The following EHF variants were observed in gnomAD, a reference collection of about 807,000 sequenced individuals.
EHF encodes the protein ETS homologous factor, also known as ESE3 transcription factor.
Under a neutral mutation model 45.1 loss-of-function variants are expected in EHF, and 14 were observed. That is an observed-to-expected ratio of 0.31 (90% CI 0.21 to 0.49). The LOEUF is 0.49. Among genes scored for constraint, EHF ranks in the 20% least tolerant of loss-of-function variants. EHF has a pLI of 0.99. For missense variants in EHF, 282 were observed against 371.4 expected (o/e 0.76, Z 1.98); for synonymous variants, 136 against 131.8 (o/e 1.03, Z -0.22).
chr11:34,622,767 C>T (rs1852069957), intron 1 of EHF, among the ~76,000 whole-genome samples: 2 of 152,058 alleles, frequency 1.3e-5, no homozygotes, highest in Non-Finnish European at 2.9e-5. Flanking sequence ...ATTTAAAAAC[C>T]ATGATGGAAT....
intron 2 of EHF, 56 bp from the exon 3 acceptor site, chr11:34,646,383 A>T: frequency 1.2e-6 from 2 of 1,605,862 alleles, no homozygotes; most frequent in Non-Finnish European, 8.5e-7. Context: ...CCTGTGTCAG[A>T]TACTATGGCC....
At chr11:34,650,552 A>G (rs1855047618) in intron 4 of EHF, among the ~76,000 whole-genome samples, 1 of 152,232 alleles carries the variant, frequency 6.6e-6, no homozygotes, top group African/African-American at 2.4e-5. Flanking sequence ...TCAGTGGCTT[A>G]CACCCCGGCC....
chr11:34,628,517 G>T (rs578187352), intron 1 of EHF, among the ~76,000 whole-genome samples: 4 of 152,146 alleles, frequency 2.6e-5, no homozygotes, highest in African/African-American at 9.7e-5. Flanking sequence ...TCTGAACAGC[G>T]CCAGTTGATA....
At chr11:34,621,436 C>T (rs1851985291) in intron 1 of EHF, among the ~76,000 whole-genome samples, 1 of 149,420 alleles carries the variant, frequency 6.7e-6, no homozygotes, top group African/African-American at 2.4e-5. Context: ...TGGATATTAT[C>T]TGTGAATTTC....
chr11:34,635,772 G>A (rs377672755), intron 1 of EHF, among the ~76,000 whole-genome samples: 9 of 140,916 alleles, frequency 6.4e-5, no homozygotes, highest in South Asian at 2.3e-4. Flanking sequence ...TGACAACACA[G>A]AGCTTAGGAG....
In EHF at chr11:34,649,041, C is replaced by A; in HGVS notation, c.366C>A (p.Phe122Leu). ...KWNGQCSSDL[F>L]QSTHNVIVKT... ...CAGGCCAGTGCAGTAGTGACCTGTT[C>A]CAGTCCACACACAATGTCATTGTCA... The change falls in exon 4 of 9, where the codon TTC (phenylalanine) becomes TTA (leucine). Residue 122 changes from phenylalanine (F) to leucine (L), a missense_variant. Around this residue, in one of 3 missense-constraint regions of EHF, gnomAD observed 213 missense variants for 247.3 expected, o/e 0.86. Coordinates refer to ENST00000257831, the MANE Select transcript of EHF (RefSeq NM_012153.6). 1 of 1,613,974 alleles carries A rather than the reference C, an allele frequency of 6.2e-7. No homozygotes were observed. The highest frequency in any genetic ancestry group is 8.5e-7 in the Non-Finnish European group (1 of 1,179,906).
chr11:34,643,538 G>C (rs570033629), intron 2 of EHF, among the ~76,000 whole-genome samples: 1 of 152,228 alleles, frequency 6.6e-6, no homozygotes, highest in Admixed American at 6.5e-5. Context: ...GAGATGGTTT[G>C]TTGGTGACCA....
chr11:34,626,189 A>AAT (rs1374785935), intron 1 of EHF, among the ~76,000 whole-genome samples: 1 of 152,208 alleles, frequency 6.6e-6, no homozygotes, highest in East Asian at 1.9e-4. Flanking sequence ...TCACAGAAGC[A>AAT]CAATAAATAA....
intron 7 of EHF, 70 bp from the exon 8 acceptor site, chr11:34,658,463 C>T: frequency 7.3e-7 from 1 of 1,362,470 alleles, no homozygotes; most frequent in South Asian, 1.4e-5. Flanking sequence ...GATGACCTAA[C>T]TCAATGCTCT....
rs1394818945 is a variant in EHF, at chr11:34,646,587, C to T, written c.246C>T (p.Gly82=). ...CTTTCCAAGAGTTCGACATCAACGG[C>T]GAGCACCTCTGCAGCATGAGTTTGC... ...CIPFQEFDIN[G]EHLCSMSLQE... The change falls in exon 3 of 9, where the codon GGC becomes GGT. Residue 82 remains glycine (G), a synonymous_variant. Coordinates refer to ENST00000257831, the MANE Select transcript of EHF (RefSeq NM_012153.6). 3 of 1,613,552 alleles carry T rather than the reference C, an allele frequency of 1.9e-6. No individual in the cohort carries two copies. Among genetic ancestry groups the T allele is most frequent in the East Asian group, 2.2e-5 (1 of 44,872 alleles).
In EHF at chr11:34,649,736, G is replaced by A. The variant is rs530031733; in HGVS notation, c.406+655G>A. On this transcript the variant is annotated intron_variant, in intron 4 of 8. Coordinates refer to ENST00000257831, the MANE Select transcript of EHF (RefSeq NM_012153.6). ...GGAGACTGTCCTCCAAAGTCCATGA[G>A]CCATCATAAAACTGTGCAGCAACTA... 3.3e-5 allele frequency among the ~76,000 whole-genome samples: 5 copies of A among 152,248 alleles called. No homozygotes were observed. The East Asian group carries it at 9.7e-4, about 29-fold the overall frequency.
chr11:34,639,408 G>A (rs1853762835), intron 1 of EHF, among the ~76,000 whole-genome samples: 1 of 152,304 alleles, frequency 6.6e-6, no homozygotes, highest in Middle Eastern at 3.4e-3. Context: ...GGGTGAGTTC[G>A]TTATAATAAG....
chr11:34,646,316 G>A (rs1760458886), intron 2 of EHF, 123 bp from the exon 3 acceptor site: 2 of 1,463,356 alleles, frequency 1.4e-6, no homozygotes, highest in Admixed American at 1.9e-5. Context: ...CACCCATGCT[G>A]GCACATACAC....
intron 1 of EHF, chr11:34,624,199 T>G (rs921949357): frequency 5.9e-5 from 49 of 828,536 alleles, no homozygotes; most frequent in Non-Finnish European, 6.7e-5. Flanking sequence ...ATTTCTGTTG[T>G]GGGTGGGGCC....
At chr11:34,633,194 T>C (rs998631170) in intron 1 of EHF, among the ~76,000 whole-genome samples, 20 of 152,218 alleles carry the variant, frequency 1.3e-4, no homozygotes, top group Admixed American at 9.2e-4. Context: ...CCAATTATTG[T>C]TGAATTTGAC....
In EHF at chr11:34,631,670, G is replaced by A. The variant is rs117518248; in HGVS notation, c.-4+10442G>A. ...TCATTTATGCGATGGGAAAACTGTG[G>A]TCCGGGAACCAGGGGTTTTCAAATT... On this transcript the variant is annotated intron_variant, in intron 1 of 8. Coordinates refer to ENST00000257831, the MANE Select transcript of EHF (RefSeq NM_012153.6). The A allele has an allele frequency of 7.5e-3, 5,170 of 689,018 alleles. 23 individuals are homozygous for A. Among genetic ancestry groups the A allele is most frequent in the Admixed American group, 8.9e-3 (141 of 15,920 alleles). 42.7% of individuals were successfully genotyped at this position (689,018 alleles called of 1,614,324 possible).
At chr11:34,647,212 A>T (rs903033906) in intron 3 of EHF, among the ~76,000 whole-genome samples, 1 of 151,902 alleles carries the variant, frequency 6.6e-6, no homozygotes, top group Non-Finnish European at 1.5e-5. Context: ...AACTCACAAT[A>T]CTTCAGCAGA....
Position 34,642,697 on chromosome 11 carries a change from G to T in EHF, c.67G>T (p.Ala23Ser), listed in dbSNP as rs1465634180. 6.2e-7 allele frequency: 1 copy of T among 1,614,064 alleles called. No homozygotes were observed. Reference protein sequence around the residue: ...PGNNLLHQPPAWTDSYSTCNV... With the variant: ...PGNNLLHQPPSWTDSYSTCNV... ...CAACAACCTCCTTCACCAGCCGCCA[G>T]CCTGGACAGACAGCTACTCCACGTG... is the stretch of plus-strand genomic sequence containing the variant. The change falls in exon 2 of 9, where the codon GCC (alanine) becomes TCC (serine). Residue 23 changes from alanine (A) to serine (S), a missense_variant. Transcript: ENST00000257831.
chr11:34,654,345 G>C (rs1855478482), intron 6 of EHF, among the ~76,000 whole-genome samples: 1 of 152,096 alleles, frequency 6.6e-6, no homozygotes, highest in Non-Finnish European at 1.5e-5. Flanking sequence ...TAACTTCAAA[G>C]GTCTTGACTT....
Sources: allele counts gnomAD v4.1 joint callset (sites outside exome capture counted in the v4.1 genomes callset), GRCh38; gene constraint gnomAD v4.1.1; regional missense constraint gnomAD v4.1.1; transcripts MANE v1.5; gene names NCBI Gene and HGNC (gene_info 2026-07-23, HGNC 2026-07-21).